Variants in CSMD1 observed in about 807,000 individuals in gnomAD.
The protein encoded by CSMD1 is CUB and sushi domain-containing protein 1.
Under a neutral mutation model 417.5 loss-of-function variants are expected in CSMD1, and 213 were observed. The ratio of observed to expected loss-of-function variants is 0.51; its 90% CI spans 0.46 to 0.57. The LOEUF is 0.57. Among genes scored for constraint, CSMD1 ranks in the 20% least tolerant of loss-of-function variants. The probability of loss-of-function intolerance (pLI) is 0.00; values close to 1 mark genes in which losing one functional copy is unlikely to be tolerated. For synonymous variants in CSMD1, 2,862 were observed against 1,736.8 expected (o/e 1.65, Z -16.11); for missense variants, 6,923 against 4,529.7 (o/e 1.53, Z -15.17).
At chr8:4,067,553 A>G (rs956019656) in intron 3 of CSMD1, among the ~76,000 whole-genome samples, 155 of 152,246 alleles carry the variant, frequency 1.0e-3, no homozygotes, top group African/African-American at 3.7e-3. Context: ...ACATGTACCT[A>G]AAGCCAGAAT....
At chr8:4,273,701 T>C (rs1585137444) in intron 3 of CSMD1, among the ~76,000 whole-genome samples, 1 of 152,174 alleles carries the variant, frequency 6.6e-6, no homozygotes, top group Admixed American at 6.6e-5. Flanking sequence ...TATTCGAATA[T>C]TCAGTTAAAA....
intron 5 of CSMD1, among the ~76,000 whole-genome samples, chr8:3,829,658 G>A (rs1215605198): frequency 6.6e-6 from 1 of 152,156 alleles, no homozygotes; most frequent in African/African-American, 2.4e-5. Flanking sequence ...GATGTTCTAT[G>A]ATGCAAATGT....
intron 3 of CSMD1, among the ~76,000 whole-genome samples, chr8:4,368,177 A>C (rs527940873): frequency 1.3e-5 from 2 of 152,158 alleles, no homozygotes; most frequent in South Asian, 4.1e-4. Flanking sequence ...TTCAATGCCT[A>C]ATTTGTTGAG....
At chr8:3,651,259 A>G (rs1797841872) in intron 7 of CSMD1, among the ~76,000 whole-genome samples, 1 of 152,138 alleles carries the variant, frequency 6.6e-6, no homozygotes, top group African/African-American at 2.4e-5. Flanking sequence ...TGGTTGAAAC[A>G]CCTCAAAGGA....
At chr8:4,548,851 G>C (rs79292153) in intron 2 of CSMD1, among the ~76,000 whole-genome samples, 20,759 of 152,014 alleles carry the variant, frequency 0.14, 1,472 homozygotes, top group Middle Eastern at 0.19. Context: ...GGGGACATGT[G>C]ATGCGCGCAG....
chr8:4,533,542 T>A (rs999702684), intron 2 of CSMD1, among the ~76,000 whole-genome samples: 1 of 152,184 alleles, frequency 6.6e-6, no homozygotes, highest in African/African-American at 2.4e-5. Context: ...GAACACAATA[T>A]TCTTGGGAAT....
intron 3 of CSMD1, among the ~76,000 whole-genome samples, chr8:4,073,699 C>G (rs957674291): frequency 1.3e-5 from 2 of 152,084 alleles, no homozygotes; most frequent in Admixed American, 1.3e-4. Context: ...AGTAACTCAC[C>G]AACATGCAAA....
chr8:3,904,858 A>C, intron 5 of CSMD1, among the ~76,000 whole-genome samples: 1 of 152,002 alleles, frequency 6.6e-6, no homozygotes, highest in East Asian at 1.9e-4. Context: ...GCTGGTCTCA[A>C]ACTCTTGACC....
At chr8:3,304,531 A>AAATT (rs1244341408) in intron 25 of CSMD1, among the ~76,000 whole-genome samples, 2 of 152,140 alleles carry the variant, frequency 1.3e-5, no homozygotes, top group African/African-American at 2.4e-5. Flanking sequence ...TCAATTGAGG[A>AAATT]AATTAAGGAT....
chr8:4,037,118 T>A (rs548098839), intron 3 of CSMD1, among the ~76,000 whole-genome samples: 1 of 152,240 alleles, frequency 6.6e-6, no homozygotes, highest in Non-Finnish European at 1.5e-5. Context: ...ATTTTACTTG[T>A]TTTTATTAAT....
intron 25 of CSMD1, among the ~76,000 whole-genome samples, chr8:3,298,026 G>A (rs1187829283): frequency 6.6e-6 from 1 of 152,090 alleles, no homozygotes; most frequent in Non-Finnish European, 1.5e-5. Flanking sequence ...TCAGGGAAAT[G>A]CAAATAAAAA....
At chr8:4,154,493 C>G (rs1796727471) in intron 3 of CSMD1, among the ~76,000 whole-genome samples, 4 of 152,028 alleles carry the variant, frequency 2.6e-5, no homozygotes, top group African/African-American at 9.7e-5. Flanking sequence ...ACCCCAAGTT[C>G]AAAACTGTGT....
At chr8:3,603,891 C>T (rs141905495) in intron 8 of CSMD1, among the ~76,000 whole-genome samples, 1 of 152,134 alleles carries the variant, frequency 6.6e-6, no homozygotes, top group Non-Finnish European at 1.5e-5. Context: ...ATGGCCAAGG[C>T]TTAATGCTTA....
intron 6 of CSMD1, among the ~76,000 whole-genome samples, chr8:3,724,582 G>A (rs1905028): frequency 0.71 from 107,122 of 151,858 alleles, 38,736 homozygotes; most frequent in South Asian, 0.85. Flanking sequence ...GGCTGGGAGA[G>A]GAATTAGGGA....
intron 12 of CSMD1, among the ~76,000 whole-genome samples, chr8:3,467,694 C>A (rs1816861484): frequency 6.6e-6 from 1 of 151,946 alleles, no homozygotes; most frequent in Admixed American, 6.5e-5. Flanking sequence ...GACCCTTTAT[C>A]CCACACAGAG....
chr8:4,252,989 T>G (rs1414040916), intron 3 of CSMD1, among the ~76,000 whole-genome samples: 1 of 152,196 alleles, frequency 6.6e-6, no homozygotes, highest in African/African-American at 2.4e-5. Flanking sequence ...CCTATGAGTT[T>G]TAAAGCCAAT....
chr8:4,927,391 C>T (rs960819867), intron 1 of CSMD1, among the ~76,000 whole-genome samples: 1 of 151,998 alleles, frequency 6.6e-6, no homozygotes, highest in Non-Finnish European at 1.5e-5. Flanking sequence ...TAGTATAAAT[C>T]CCTGCCAAAC....
intron 25 of CSMD1, among the ~76,000 whole-genome samples, chr8:3,307,274 A>C (rs116480892): frequency 0.022 from 3,373 of 152,064 alleles, 123 homozygotes; most frequent in African/African-American, 0.076. Context: ...CTGCAGGAAC[A>C]GAAGCCTGGT....
intron 5 of CSMD1, among the ~76,000 whole-genome samples, chr8:3,980,993 C>G (rs746202033): frequency 2.6e-5 from 4 of 152,164 alleles, no homozygotes; most frequent in Non-Finnish European, 5.9e-5. Context: ...CCTTTGTACC[C>G]ACACCCAGAG....
Sources: allele counts gnomAD v4.1 joint callset (sites outside exome capture counted in the v4.1 genomes callset), GRCh38; gene constraint gnomAD v4.1.1; transcripts MANE v1.5; gene names NCBI Gene and HGNC (gene_info 2026-07-23, HGNC 2026-07-21).